Variants in ZMYM4 observed in about 807,000 individuals in gnomAD.
ZMYM4 encodes zinc finger MYM-type containing 4, also known as zinc finger MYM-type protein 4.
ZMYM4 carries 31 observed loss-of-function variants against 183.2 expected under a neutral mutation model. That is an observed-to-expected ratio of 0.17 (90% CI 0.13 to 0.23). The LOEUF is 0.23. Ranked by LOEUF, ZMYM4 falls within the 10% of genes least tolerant of loss-of-function variation. The pLI is 1.00. For synonymous variants in ZMYM4, 592 were observed against 631.2 expected (o/e 0.94, Z 0.93); for missense variants, 1,273 against 1,840.3 (o/e 0.69, Z 5.64).
At chr1:35,408,337 C>G (rs1189688128) in intron 26 of ZMYM4, among the ~76,000 whole-genome samples, 178 bp downstream of exon 26, 1 of 152,120 alleles carries the variant, frequency 6.6e-6, no homozygotes, top group Non-Finnish European at 1.5e-5. Context: ...GTGGATCAGT[C>G]AACTATAATA....
intron 7 of ZMYM4, among the ~76,000 whole-genome samples, chr1:35,374,440 CTTTA>C (rs1644290496): frequency 6.6e-6 from 1 of 151,786 alleles, no homozygotes; most frequent in African/African-American, 2.4e-5. Context: ...CTTCATGTTT[CTTTA>C]TTTAATTCTT....
chr1:35,352,752 T>G (rs1643676701), intron 2 of ZMYM4, among the ~76,000 whole-genome samples: 1 of 152,208 alleles, frequency 6.6e-6, no homozygotes, highest in Non-Finnish European at 1.5e-5. Flanking sequence ...TCCTTCTTAG[T>G]GTCTTTTTCT....
intron 1 of ZMYM4, among the ~76,000 whole-genome samples, chr1:35,281,145 G>A (rs983969542): frequency 4.6e-5 from 7 of 151,902 alleles, no homozygotes; most frequent in African/African-American, 9.7e-5. Flanking sequence ...TTAGCCAGGC[G>A]TGGTGGCACG....
chr1:35,396,568 G>C lies in ZMYM4; in HGVS notation c.2928G>C (p.Gln976His). 1.2e-6 allele frequency: 2 copies of C among 1,613,760 alleles called. No homozygotes were observed. Among genetic ancestry groups the C allele is most frequent in the Non-Finnish European group, 8.5e-7 (1 of 1,179,800 alleles). The change falls in exon 19 of 30, where the codon CAG (glutamine) becomes CAC (histidine). Residue 976 changes from glutamine (Q) to histidine (H), a missense_variant. By Grantham distance (24) the Gln-to-His change is conservative (BLOSUM62 0). Around this residue, in one of 6 missense-constraint regions of ZMYM4, gnomAD observed 290 missense variants for 353.3 expected, o/e 0.82. Coordinates refer to ENST00000314607, the MANE Select transcript of ZMYM4 (RefSeq NM_005095.3). ...TACTGTTAGAAGACACTCCAAGTCA[G>C]CCCCAGATTATTGTGGTGCCAGTTC... ...KECQTEDTPS[Q>H]PQIIVVPVPV...
intron 19 of ZMYM4, 22 bp from the exon 20 acceptor site, chr1:35,397,355 C>A: frequency 6.6e-7 from 1 of 1,516,510 alleles, no homozygotes; most frequent in Non-Finnish European, 8.8e-7. Context: ...AGAAAGCCTT[C>A]AGTCTATCCT....
At chr1:35,410,548 A>T (rs1639844383) in intron 26 of ZMYM4, among the ~76,000 whole-genome samples, 1 of 151,672 alleles carries the variant, frequency 6.6e-6, no homozygotes, top group Non-Finnish European at 1.5e-5. Context: ...GAGTGCAGTG[A>T]CACCATCTGG....
rs776782143 is a variant in ZMYM4, at chr1:35,415,483, A to G, written c.4078A>G (p.Ile1360Val). ...ILPNGYMFSR[I>V]EEEHLWECKQ... The stretch of plus-strand genomic sequence containing the variant: ...CTGTCTAGGTTACATGTTCTCTCGC[A>G]TTGAGGAAGAGCATTTGTGGGAGTG... Residue 1360 changes from isoleucine (I) to valine (V), a missense_variant, in exon 28 of 30, where the codon ATT becomes GTT. By Grantham distance (29) the Ile-to-Val change is conservative (BLOSUM62 3). Coordinates refer to ENST00000314607, the MANE Select transcript of ZMYM4 (RefSeq NM_005095.3). 18 of 1,614,192 alleles carry G rather than the reference A, an allele frequency of 1.1e-5. No individual in the cohort carries two copies. The highest frequency in any genetic ancestry group is 5.5e-5 in the South Asian group (5 of 91,082).
chr1:35,311,051 G>A (rs984404294), intron 1 of ZMYM4, among the ~76,000 whole-genome samples: 2 of 152,060 alleles, frequency 1.3e-5, no homozygotes, highest in Non-Finnish European at 2.9e-5. Flanking sequence ...TGTAGTCATA[G>A]CCTCTATTCA....
At chr1:35,286,130 A>G (rs1640469172) in intron 1 of ZMYM4, among the ~76,000 whole-genome samples, 3 of 152,254 alleles carry the variant, frequency 2.0e-5, no homozygotes. Flanking sequence ...ACATGATCTT[A>G]TACGTAGAAT....
intron 1 of ZMYM4, among the ~76,000 whole-genome samples, chr1:35,297,684 C>T (rs1295312768): frequency 6.6e-6 from 1 of 152,088 alleles, no homozygotes; most frequent in Non-Finnish European, 1.5e-5. Flanking sequence ...ATTTGGGTTC[C>T]CAAGGTACTT....
At chr1:35,289,216 A>C (rs544730936) in intron 1 of ZMYM4, among the ~76,000 whole-genome samples, 2 of 152,336 alleles carry the variant, frequency 1.3e-5, no homozygotes, top group African/African-American at 4.8e-5. Context: ...GATCTCTTAA[A>C]AAGATTCTTT....
chr1:35,276,447 A>T (rs1162239014), intron 1 of ZMYM4, among the ~76,000 whole-genome samples: 1 of 152,158 alleles, frequency 6.6e-6, no homozygotes, highest in Admixed American at 6.6e-5. Flanking sequence ...TACTGTTACG[A>T]CCTAACAAAA....
intron 2 of ZMYM4, among the ~76,000 whole-genome samples, chr1:35,356,834 A>G (rs1643836576): frequency 6.6e-6 from 1 of 152,202 alleles, no homozygotes; most frequent in South Asian, 2.1e-4. Flanking sequence ...TATTTTGGAA[A>G]GGTAATTCTG....
Position 35,386,987 on chromosome 1 carries a change from T to G in ZMYM4, c.1837-16T>G, listed in dbSNP as rs112562104. The G allele has an allele frequency of 4.4e-6, 7 of 1,608,718 alleles. No individual in the cohort carries two copies. The highest frequency in any genetic ancestry group is 5.9e-6 in the Non-Finnish European group (7 of 1,176,534). On this transcript the variant is annotated splice_polypyrimidine_tract_variant and intron_variant, in intron 11 of 29. Transcript: ENST00000314607. The stretch of plus-strand genomic sequence containing the variant: ...CAAAGATTAAATTGATACTTTTTGT[T>G]GTTTTGTTTTTCCAGAATTTATTCA...
At chr1:35,336,014 C>A (rs139821580) in intron 2 of ZMYM4, among the ~76,000 whole-genome samples, 1 of 152,188 alleles carries the variant, frequency 6.6e-6, no homozygotes, top group Admixed American at 6.5e-5. Flanking sequence ...AGTATATTCA[C>A]ATTGTTGTGC....
rs1206681411 is a variant in ZMYM4 at position 35,408,188 on chromosome 1, A to G, written c.3948+29A>G. 5 of 1,612,690 alleles carry G rather than the reference A, an allele frequency of 3.1e-6. No homozygotes were observed. The South Asian group carries it at 4.4e-5, about 14-fold the overall frequency. The stretch of plus-strand genomic sequence containing the variant: ...TCAAGTTAAACATATGGATTCTTCA[A>G]CCTAGCAAATCCATTGACCAGAATA... On this transcript the variant is annotated intron_variant, in intron 26 of 29. Coordinates refer to ENST00000314607, the MANE Select transcript of ZMYM4 (RefSeq NM_005095.3).
intron 3 of ZMYM4, among the ~76,000 whole-genome samples, chr1:35,360,161 C>G (rs1473147745): frequency 1.3e-5 from 2 of 152,086 alleles, no homozygotes; most frequent in African/African-American, 4.8e-5. Flanking sequence ...TGTCATCATT[C>G]TAACTGCTCT....
chr1:35,380,479 C>T lies in ZMYM4; in HGVS notation c.1182-780C>T, dbSNP rs138308858. ...AGTAGCTGGGACTACAGGCACATGC[C>T]GCCACGCCTGGCTAATTTTTTGTAT... On this transcript the variant is annotated intron_variant, in intron 7 of 29. Transcript: ENST00000314607. 1.7e-3 allele frequency among the ~76,000 whole-genome samples: 252 copies of T among 152,220 alleles called. 3 individuals are homozygous for T. The highest frequency in any genetic ancestry group is 5.4e-3 in the African/African-American group (224 of 41,538).
chr1:35,290,808 A>G (rs1046309741), intron 1 of ZMYM4, among the ~76,000 whole-genome samples: 7 of 152,226 alleles, frequency 4.6e-5, no homozygotes, highest in East Asian at 1.9e-4. Context: ...GAATTGTGCA[A>G]TTTAAATTGA....
Sources: allele counts gnomAD v4.1 joint callset (sites outside exome capture counted in the v4.1 genomes callset), GRCh38; gene constraint gnomAD v4.1.1; regional missense constraint gnomAD v4.1.1; transcripts MANE v1.5; gene names NCBI Gene and HGNC (gene_info 2026-07-23, HGNC 2026-07-21).